The following UBE2Q1 variants were observed in gnomAD, a reference collection of about 807,000 sequenced individuals.
The protein encoded by UBE2Q1 is ubiquitin-conjugating enzyme E2 Q1.
In UBE2Q1, 6 loss-of-function variants were observed where a neutral mutation model predicts 60.1. The observed-to-expected ratio is 0.10, with a 90% confidence interval of 0.05 to 0.20. The LOEUF (loss-of-function observed/expected upper bound fraction) is 0.20, where lower values mean the gene tolerates loss of function less well. Among genes scored for constraint, UBE2Q1 ranks in the 10% least tolerant of loss-of-function variants. The pLI is 1.00. For missense variants in UBE2Q1, 262 were observed against 525.8 expected, an observed-to-expected ratio of 0.50 and a Z score of 4.91; for synonymous variants, 226 against 208.3, an observed-to-expected ratio of 1.09 and a Z score of -0.73.
chr1:154,552,773 C>G lies in UBE2Q1; in HGVS notation c.777G>C (p.Glu259Asp). 6.2e-7 allele frequency: 1 copy of G among 1,614,248 alleles called. No individual in the cohort carries two copies. The highest frequency in any genetic ancestry group is 8.5e-7 in the Non-Finnish European group (1 of 1,180,046). Reference protein sequence around the residue: ...SVQATDRLMKELRDIYRSQSF... With the variant: ...SVQATDRLMKDLRDIYRSQSF... ...TCTGTGATCGGTATATATCCCTGAG[C>G]TCCTTCATCAGCCGGTCAGTGGCCT... Residue 259 changes from glutamate (E) to aspartate (D), a missense_variant, in exon 6 of 13, where the codon GAG (glutamate) becomes GAC (aspartate). Glu to Asp is a conservative substitution (Grantham distance 45). This residue lies in a region of UBE2Q1 where 111 missense variants were observed against 266.8 expected (regional missense o/e 0.42). Coordinates refer to ENST00000292211, the MANE Select transcript of UBE2Q1 (RefSeq NM_017582.7).
At position 154,552,473 on chromosome 1, in the gene UBE2Q1, A is replaced by AG. The variant is rs764151960; in HGVS notation, c.815-10dup. On this transcript the variant is annotated splice_polypyrimidine_tract_variant and intron_variant, in intron 6 of 12. Coordinates refer to ENST00000292211, the MANE Select transcript of UBE2Q1 (RefSeq NM_017582.7). Reference sequence around the variant, plus strand: ...TTCGACTGCATAGTTTCCTGGAAGGAGGGAAAAAACAGGTGTTAGTAGAAT... The same window carrying AG: ...TTCGACTGCATAGTTTCCTGGAAGGAGGGGAAAAAACAGGTGTTAGTAGAAT... 1.9e-6 allele frequency: 3 copies of AG among 1,614,142 alleles called. No individual in the cohort carries two copies. The highest frequency in any genetic ancestry group is 2.5e-6 in the Non-Finnish European group (3 of 1,180,010).
rs752073705 is a variant in UBE2Q1 at position 154,558,454 on chromosome 1, C to T, written c.100G>A (p.Gly34Ser). 1,059 of 1,460,308 alleles carry T rather than the reference C, an allele frequency of 7.3e-4. 9 individuals carry two copies. The South Asian group carries it at 8.3e-3, about 11-fold the overall frequency. 90.5% of individuals were successfully genotyped at this position (1,460,308 alleles called of 1,614,324 possible). Reference protein sequence around the residue: ...APGAGGGPGGGPGPGPCLRRE... With the variant: ...APGAGGGPGGSPGPGPCLRRE... ...CTCAGGCAGGGCCCCGGCCCCGGGC[C>T]CCCCCCTGGGCCGCCCCCGGCCCCC... is the stretch of plus-strand genomic sequence containing the variant. The change falls in exon 1 of 13, where the codon GGC becomes AGC. Residue 34 changes from glycine to serine, a missense_variant. Physicochemically the swap from Gly to Ser is moderately conservative, Grantham distance 56. Transcript: ENST00000292211.
chr1:154,550,737 T>TA, intron 12 of UBE2Q1: 6 of 985,370 alleles, frequency 6.1e-6, no homozygotes, highest in Non-Finnish European at 7.2e-6. Context: ...TTATCGGTGA[T>TA]ACGATCATTT....
chr1:154,555,789 C>A, intron 2 of UBE2Q1, 71 bp downstream of exon 2: 1 of 1,419,764 alleles, frequency 7.0e-7, no homozygotes, highest in Non-Finnish European at 9.9e-7. Flanking sequence ...TTCAGGATCC[C>A]TTTCACAGGA....
chr1:154,558,299 G>A lies in UBE2Q1; in HGVS notation c.255C>T (p.Ala85=), dbSNP rs372269665. The A allele has an allele frequency of 4.4e-6, 7 of 1,583,230 alleles. No individual in the cohort carries two copies. The African/African-American group carries it at 8.2e-5, about 19-fold the overall frequency. Residue 85 remains alanine, a synonymous_variant, in exon 1 of 13, where the codon GCC becomes GCT. Transcript: ENST00000292211. ...GTGGGGGGAGATGCGGTCCGGGCGC[G>A]GCCCCCGCCCCGGCCCCTCCGGCCC... ...LAGAGGAGAG[A]APGPHLPPRG...
chr1:154,554,238 AG>A (rs1695844444), intron 4 of UBE2Q1, among the ~76,000 whole-genome samples: 1 of 152,232 alleles, frequency 6.6e-6, no homozygotes, highest in Non-Finnish European at 1.5e-5. Flanking sequence ...AGTTCTGTCT[AG>A]CTCTAAAGCT....
intron 4 of UBE2Q1, chr1:154,553,476 T>C: frequency 3.9e-6 from 1 of 255,782 alleles, no homozygotes; most frequent in Non-Finnish European, 7.5e-6. Context: ...CTGCTCCAAC[T>C]GTTCCTAAAA....
Position 154,558,457 on chromosome 1 carries a change from C to G in UBE2Q1, c.97G>C (p.Gly33Arg), listed in dbSNP as rs755410020. 6.6e-5 allele frequency: 92 copies of G among 1,387,274 alleles called. 1 individual carries two copies. Among genetic ancestry groups the G allele is most frequent in the East Asian group, 2.2e-4 (7 of 32,348 alleles). The allele number at this position is 1,387,274 out of a possible 1,614,324, so 85.9% of individuals were successfully genotyped here. A position where few individuals can be genotyped will look rare whatever the true frequency, so the allele number is the denominator to read the frequency against. Residue 33 changes from glycine to arginine, a missense_variant, in exon 1 of 13, where the codon GGG becomes CGG. Physicochemically the swap from Gly to Arg is moderately radical, Grantham distance 125. Around this residue, in one of 5 missense-constraint regions of UBE2Q1, gnomAD observed 70 missense variants for 56.7 expected, o/e 1.24. Transcript: ENST00000292211. ...AGGCAGGGCCCCGGCCCCGGGCCCC[C>G]CCCTGGGCCGCCCCCGGCCCCCGGC... ...AAPGAGGGPGGGPGPGPCLRR... is the reference protein window; with the variant it reads ...AAPGAGGGPGRGPGPGPCLRR...
At position 154,552,861 on chromosome 1, in the gene UBE2Q1, G is replaced by A. The variant is rs554759079; in HGVS notation, c.730-41C>T. 51 of 1,610,734 alleles carry A rather than the reference G, an allele frequency of 3.2e-5. No homozygotes were observed. The South Asian group carries it at 5.4e-4, about 17-fold the overall frequency. ...GACAGGAACATTCCTTGGTCGTGTG[G>A]TTTATAAACACACGTTAGACCTTAG... On this transcript the variant is annotated intron_variant, in intron 5 of 12. Coordinates refer to ENST00000292211, the MANE Select transcript of UBE2Q1 (RefSeq NM_017582.7).
intron 3 of UBE2Q1, 32 bp from the exon 4 acceptor site, chr1:154,554,817 A>T: frequency 6.2e-7 from 1 of 1,610,578 alleles, no homozygotes; most frequent in Non-Finnish European, 8.5e-7. Context: ...TGGAGATCAG[A>T]GCCCCAGTGG....
At chr1:154,555,081 T>C (rs1695859597) in intron 3 of UBE2Q1, 1 of 519,762 alleles carries the variant, frequency 1.9e-6, no homozygotes, top group Non-Finnish European at 3.4e-6. Flanking sequence ...CTTTACTTGA[T>C]CTTCTTTAGA....
At chr1:154,554,706 G>C (rs529720851) in intron 4 of UBE2Q1, 29 bp downstream of exon 4, 1 of 1,611,458 alleles carries the variant, frequency 6.2e-7, no homozygotes, top group Non-Finnish European at 8.5e-7. Context: ...AGAGCTTCCA[G>C]CCAATGCCAC....
At chr1:154,552,327 G>A in intron 7 of UBE2Q1, 77 bp downstream of exon 7, 1 of 1,592,390 alleles carries the variant, frequency 6.3e-7, no homozygotes, top group Non-Finnish European at 8.6e-7. Flanking sequence ...GGATGGGGCT[G>A]CCCTGGAGAT....
chr1:154,558,245 G>A lies in UBE2Q1; in HGVS notation c.309C>T (p.Arg103=), dbSNP rs931439221. The change falls in exon 1 of 13, where the codon CGC becomes CGT. Residue 103 remains arginine (R), a synonymous_variant. Coordinates refer to ENST00000292211, the MANE Select transcript of UBE2Q1 (RefSeq NM_017582.7). ...TCCTCACCGTGATGTTGCAGTGGAT[G>A]CGGACAGGATCCCCAGGCACCGACC... ...PRGSVPGDPV[R]IHCNITESYP... 23 of 1,554,760 alleles carry A rather than the reference G, an allele frequency of 1.5e-5. No homozygotes were observed. Among genetic ancestry groups the A allele is most frequent in the Non-Finnish European group, 2.0e-5 (23 of 1,153,028 alleles).
Position 154,555,432 on chromosome 1 carries a change from T to C in UBE2Q1, c.533A>G (p.Glu178Gly). 1.2e-6 allele frequency: 2 copies of C among 1,614,030 alleles called. No homozygotes were observed. Among genetic ancestry groups the C allele is most frequent in the Non-Finnish European group, 1.7e-6 (2 of 1,179,986 alleles). The change falls in exon 3 of 13, where the codon GAG (glutamate) becomes GGG (glycine). Residue 178 changes from glutamate to glycine, a missense_variant. Coordinates refer to ENST00000292211, the MANE Select transcript of UBE2Q1 (RefSeq NM_017582.7). Reference sequence around the variant, plus strand: ...CGAGGCTCCTCAGCTGCTCACCTGCTCTGCTGGCAAGGGTTGATCCAGCAT... The same window carrying C: ...CGAGGCTCCTCAGCTGCTCACCTGCCCTGCTGGCAAGGGTTGATCCAGCAT... ...VEMLDQPLPA[E>G]QCTQEDVSSE...
intron 11 of UBE2Q1, 60 bp downstream of exon 11, chr1:154,551,337 G>C (rs1467678691): frequency 1.9e-6 from 3 of 1,561,742 alleles, no homozygotes; most frequent in African/African-American, 1.4e-5. Context: ...TGGCCTGCTA[G>C]TGGCCCCAAG....
In UBE2Q1 at chr1:154,555,538, G is replaced by A. The variant is rs1418496624; in HGVS notation, c.433-6C>T. 6.2e-7 allele frequency: 1 copy of A among 1,612,852 alleles called. No individual in the cohort carries two copies. The highest frequency in any genetic ancestry group is 1.3e-5 in the African/African-American group (1 of 74,888). ...CTCTTCAGATGCTGCAATAGCTACA[G>A]GTAGGGGAGCACAGAGACATCAAAT... On this transcript the variant is annotated splice_polypyrimidine_tract_variant and splice_region_variant and intron_variant, in intron 2 of 12. Coordinates refer to ENST00000292211, the MANE Select transcript of UBE2Q1 (RefSeq NM_017582.7).
chr1:154,552,699 T>G (rs761675191), intron 6 of UBE2Q1, 37 bp downstream of exon 6: 4 of 1,602,826 alleles, frequency 2.5e-6, no homozygotes, highest in South Asian at 1.1e-5. Context: ...TCTTTATGGG[T>G]GACTCTTGTG....
chr1:154,554,378 T>C (rs1451829153), intron 4 of UBE2Q1, among the ~76,000 whole-genome samples: 7 of 152,218 alleles, frequency 4.6e-5, no homozygotes, highest in African/African-American at 1.4e-4. Context: ...AAGACAACCA[T>C]ATGCAGTAGG....
Sources: gnomAD v4.1 joint callset for allele counts (sites outside exome capture counted in the v4.1 genomes callset) on GRCh38, gnomAD v4.1.1 for gene constraint, gnomAD v4.1.1 regional missense constraint, MANE v1.5 for transcripts, NCBI Gene and HGNC (gene_info 2026-07-23, HGNC 2026-07-21) for gene names.